IRAG1: variants seen among roughly 807,000 people sequenced by gnomAD.
IRAG1 encodes the protein IP3R-associated cGMP kinase substrate.
Under a neutral mutation model 106.2 loss-of-function variants are expected in IRAG1, and 62 were observed. The ratio of observed to expected loss-of-function variants is 0.58; its 90% CI spans 0.48 to 0.72. IRAG1 has a LOEUF of 0.72. Ranked by LOEUF, IRAG1 falls within the 30% of genes least tolerant of loss-of-function variation. The pLI is 0.00. For synonymous variants in IRAG1, 462 were observed against 443.9 expected (o/e 1.04, Z -0.51); for missense variants, 1,064 against 1,140.7 (o/e 0.93, Z 0.97).
intron 10 of IRAG1, among the ~76,000 whole-genome samples, chr11:10,615,735 G>C (rs1228165122): frequency 5.3e-5 from 8 of 151,808 alleles, no homozygotes; most frequent in African/African-American, 1.9e-4. Flanking sequence ...TGAACAATGA[G>C]AACACTTGGA....
chr11:10,587,233 A>T (rs947771931), intron 18 of IRAG1, among the ~76,000 whole-genome samples: 2 of 152,230 alleles, frequency 1.3e-5, no homozygotes, highest in Non-Finnish European at 2.9e-5. Flanking sequence ...TTTAGTCAAA[A>T]TATATTTTTG....
At chr11:10,689,258 AC>A (rs1861883201) in intron 1 of IRAG1, among the ~76,000 whole-genome samples, 1 of 152,156 alleles carries the variant, frequency 6.6e-6, no homozygotes, top group African/African-American at 2.4e-5. Context: ...AATGAGGGTG[AC>A]CAACCTTTTG....
intron 2 of IRAG1, among the ~76,000 whole-genome samples, chr11:10,641,505 C>T (rs7127014): frequency 0.76 from 115,077 of 152,042 alleles, 44,571 homozygotes; most frequent in African/African-American, 0.82. Flanking sequence ...CACCCTCTGC[C>T]TCTCAAACCA....
At chr11:10,643,578 C>T (rs573827917) in intron 2 of IRAG1, among the ~76,000 whole-genome samples, 76 of 152,310 alleles carry the variant, frequency 5.0e-4, no homozygotes, top group South Asian at 1.2e-3. Context: ...GTCGTTCATC[C>T]GTCATATCTA....
chr11:10,667,029 G>T (rs552593724), intron 1 of IRAG1, among the ~76,000 whole-genome samples: 2 of 152,150 alleles, frequency 1.3e-5, no homozygotes, highest in African/African-American at 4.8e-5. Context: ...CCCACAGTTG[G>T]TATTTCCTAG....
At chr11:10,690,913 C>G (rs982231435) in intron 1 of IRAG1, among the ~76,000 whole-genome samples, 1 of 152,200 alleles carries the variant, frequency 6.6e-6, no homozygotes, top group Non-Finnish European at 1.5e-5. Context: ...GACTCAGCTC[C>G]CCAAGGGGCA....
At chr11:10,625,762 T>TA (rs1856195291) in intron 9 of IRAG1, among the ~76,000 whole-genome samples, 1 of 151,472 alleles carries the variant, frequency 6.6e-6, no homozygotes, top group Admixed American at 6.6e-5. Flanking sequence ...GTAACTGGCA[T>TA]AAAAAAGCAC....
rs757923843 is a variant in IRAG1 at position 10,601,050 on chromosome 11, T to C, written c.1885A>G (p.Met629Val). 208 of 1,613,898 alleles carry C rather than the reference T, an allele frequency of 1.3e-4. No individual in the cohort carries two copies. The highest frequency in any genetic ancestry group is 1.7e-4 in the Non-Finnish European group (206 of 1,179,904). The change falls in exon 15 of 21, where the codon ATG (methionine) becomes GTG (valine). Residue 629 changes from methionine to valine, a missense_variant. Physicochemically the swap from Met to Val is conservative, Grantham distance 21 (BLOSUM62 1). Coordinates refer to ENST00000423302, the MANE Select transcript of IRAG1 (RefSeq NM_130385.4). ...ATCATCACTTCCGTTGCTTTCGACATGCGCTTTTCCTGCGGGGAAGGAGCG... is the reference window on the plus strand; with the variant it reads ...ATCATCACTTCCGTTGCTTTCGACACGCGCTTTTCCTGCGGGGAAGGAGCG... Reference protein sequence around the residue: ...VVGAVRQEKRMSKATEVMMQY... With the variant: ...VVGAVRQEKRVSKATEVMMQY...
At chr11:10,626,634 AC>A in intron 8 of IRAG1, 51 bp from the exon 9 acceptor site, 1 of 1,532,550 alleles carries the variant, frequency 6.5e-7, no homozygotes, top group Non-Finnish European at 8.8e-7. Flanking sequence ...TTGAGGGGAA[AC>A]AGGTGAGGCC....
chr11:10,633,318 A>G (rs34522788), intron 3 of IRAG1, among the ~76,000 whole-genome samples: 11,747 of 151,362 alleles, frequency 0.078, 556 homozygotes, highest in Admixed American at 0.13. Flanking sequence ...CTCATGATTC[A>G]CCCGCCTTGG....
At chr11:10,667,113 T>C (rs1386458037) in intron 1 of IRAG1, among the ~76,000 whole-genome samples, 1 of 151,874 alleles carries the variant, frequency 6.6e-6, no homozygotes, top group East Asian at 2.0e-4. Flanking sequence ...TGACAACATA[T>C]GTTTATAGAA....
intron 1 of IRAG1, among the ~76,000 whole-genome samples, chr11:10,654,581 T>A (rs1434444373): frequency 6.6e-6 from 1 of 152,154 alleles, no homozygotes; most frequent in South Asian, 2.1e-4. Flanking sequence ...GCTGGTGACA[T>A]AAAGATAATC....
chr11:10,582,306 AC>A (rs1251333547), intron 18 of IRAG1, among the ~76,000 whole-genome samples: 1 of 152,066 alleles, frequency 6.6e-6, no homozygotes, highest in African/African-American at 2.4e-5. Context: ...GCAGACCAGC[AC>A]GTTTAAGGTC....
At chr11:10,652,492 G>T in intron 1 of IRAG1, 1 of 542,440 alleles carries the variant, frequency 1.8e-6, no homozygotes, top group Non-Finnish European at 3.0e-6. Context: ...ACTCCATTGA[G>T]ATCACATTGG....
chr11:10,655,365 C>T (rs1350753661), intron 1 of IRAG1, among the ~76,000 whole-genome samples: 1 of 152,102 alleles, frequency 6.6e-6, no homozygotes, highest in Non-Finnish European at 1.5e-5. Flanking sequence ...AACTTTAGCC[C>T]GGAGAAGAGG....
At chr11:10,593,845 T>G (rs770173082) in intron 16 of IRAG1, 26 of 573,060 alleles carry the variant, frequency 4.5e-5, no homozygotes, top group Non-Finnish European at 7.2e-5. Flanking sequence ...AGATACAGAA[T>G]GGAAATGACC....
At chr11:10,603,967 T>C (rs1382148489) in intron 13 of IRAG1, among the ~76,000 whole-genome samples, 2 of 152,144 alleles carry the variant, frequency 1.3e-5, no homozygotes, top group East Asian at 1.9e-4. Flanking sequence ...CTAAGGCCCT[T>C]TGTTACAGCA....
At chr11:10,639,722 C>A (rs1857384165) in intron 2 of IRAG1, among the ~76,000 whole-genome samples, 1 of 152,124 alleles carries the variant, frequency 6.6e-6, no homozygotes, top group African/African-American at 2.4e-5. Context: ...TTTACTCCCC[C>A]AGCTCCATCC....
intron 17 of IRAG1, among the ~76,000 whole-genome samples, chr11:10,592,275 A>G (rs1278514647): frequency 6.6e-6 from 1 of 152,166 alleles, no homozygotes; most frequent in African/African-American, 2.4e-5. Flanking sequence ...GTGGTTTTTA[A>G]TCTATGGCCC....
Sources: allele counts gnomAD v4.1 joint callset (sites outside exome capture counted in the v4.1 genomes callset), GRCh38; gene constraint gnomAD v4.1.1; transcripts MANE v1.5; gene names NCBI Gene and HGNC (gene_info 2026-07-23, HGNC 2026-07-21).